Variants in BRAF observed in about 807,000 individuals in gnomAD.
The protein encoded by BRAF is serine/threonine-protein kinase B-raf.
Under a neutral mutation model 104.6 loss-of-function variants are expected in BRAF, and 16 were observed. That is an observed-to-expected ratio of 0.15 (90% confidence interval 0.10 to 0.23). The LOEUF is 0.23. BRAF is among the 10% of genes least tolerant of loss of function. The pLI, the probability that BRAF is intolerant of heterozygous loss-of-function variation, is 1.00. For synonymous variants in BRAF, 310 were observed against 341.6 expected (o/e 0.91, Z 1.02); for missense variants, 541 against 937.3 (o/e 0.58, Z 5.52).
At chr7:140,896,217 T>C (rs1018373767) in intron 1 of BRAF, among the ~76,000 whole-genome samples, 1 of 152,198 alleles carries the variant, frequency 6.6e-6, no homozygotes, top group African/African-American at 2.4e-5. Flanking sequence ...GTTTTGGGTC[T>C]TACAGGTAGG....
chr7:140,734,799 AAAAAAAAG>A, intron 18 of BRAF, 29 bp from the exon 18 acceptor site: 2 of 1,210,972 alleles, frequency 1.7e-6, no homozygotes, highest in South Asian at 1.8e-5. Flanking sequence ...AAAAAAAAGA[AAAAAAAAG>A]AAAAAAGAAA....
chr7:140,818,291 T>C (rs537105264), intron 3 of BRAF, among the ~76,000 whole-genome samples: 1 of 152,144 alleles, frequency 6.6e-6, no homozygotes, highest in African/African-American at 2.4e-5. Flanking sequence ...TTGTCCTTTA[T>C]ATTTTTCCAT....
intron 17 of BRAF, chr7:140,747,448 C>G (rs1264804702): frequency 1.6e-6 from 2 of 1,287,306 alleles, no homozygotes; most frequent in African/African-American, 3.0e-5. Context: ...GACAAAGCAC[C>G]TAAAATGCCA....
chr7:140,897,952 C>T (rs939977813), intron 1 of BRAF, among the ~76,000 whole-genome samples: 3 of 152,162 alleles, frequency 2.0e-5, no homozygotes, highest in Admixed American at 6.5e-5. Context: ...GTAATCCCAG[C>T]ACTTTGGGAG....
rs61150735 is a variant in BRAF, at chr7:140,906,087, C to CAAAA, written c.138+18475_138+18478dup. ...TGGGCAACAGAGCGAGACTCCGTCT[C>CAAAA]AAAAAAAAAAAAAAAAAAAAAGAAA... On this transcript the variant is annotated intron_variant, in intron 1 of 19. Transcript: ENST00000644969. Among the ~76,000 whole-genome samples the CAAAA allele has an allele frequency of 1.4e-3, 64 of 44,604 alleles. 3 individuals carry two copies. The highest frequency in any genetic ancestry group is 3.2e-3 in the African/African-American group (32 of 9,852). The allele number at this position is 44,604 out of a possible 152,430, so 29.3% of individuals were successfully genotyped here.
chr7:140,735,557 A>C (rs1463963754), intron 18 of BRAF, among the ~76,000 whole-genome samples: 2 of 151,802 alleles, frequency 1.3e-5, no homozygotes, highest in Admixed American at 1.3e-4. Flanking sequence ...CTGAGATACC[A>C]ATTTTTTTTT....
chr7:140,774,618 G>C (rs1017839748), intron 14 of BRAF, among the ~76,000 whole-genome samples: 5 of 152,330 alleles, frequency 3.3e-5, no homozygotes, highest in African/African-American at 1.2e-4. Context: ...CTGGGCTCAA[G>C]TGATCCTCCC....
At chr7:140,795,430 C>T (rs1267161493) in intron 7 of BRAF, among the ~76,000 whole-genome samples, 4 of 152,230 alleles carry the variant, frequency 2.6e-5, no homozygotes, top group Non-Finnish European at 4.4e-5. Flanking sequence ...GCTCTCTTCA[C>T]ATATTGGTTA....
chr7:140,736,964 C>T (rs6978932), intron 18 of BRAF, among the ~76,000 whole-genome samples: 7,976 of 151,890 alleles, frequency 0.053, 704 homozygotes, highest in African/African-American at 0.18. Context: ...GTGAGAGGAT[C>T]GCTTGAGCCC....
intron 1 of BRAF, among the ~76,000 whole-genome samples, chr7:140,872,631 G>T (rs1016804425): frequency 3.3e-5 from 5 of 152,092 alleles, no homozygotes; most frequent in African/African-American, 1.2e-4. Context: ...GAGGTGGGAG[G>T]ACTGCTTGAG....
intron 8 of BRAF, among the ~76,000 whole-genome samples, chr7:140,790,277 A>G (rs1363106589): frequency 1.3e-5 from 2 of 152,232 alleles, no homozygotes; most frequent in Non-Finnish European, 2.9e-5. Context: ...GCTAGTAACA[A>G]CATAAACTTA....
chr7:140,893,991 A>AG (rs1814579046), intron 1 of BRAF, among the ~76,000 whole-genome samples: 1 of 152,130 alleles, frequency 6.6e-6, no homozygotes, highest in South Asian at 2.1e-4. Flanking sequence ...AAAATTAGCC[A>AG]GGTGTGGTAG....
chr7:140,869,559 G>A (rs1188489754), intron 1 of BRAF, among the ~76,000 whole-genome samples: 2 of 151,868 alleles, frequency 1.3e-5, no homozygotes, highest in Non-Finnish European at 1.5e-5. Context: ...CTTGAACCTG[G>A]GAGACAGAGG....
intron 8 of BRAF, among the ~76,000 whole-genome samples, chr7:140,792,312 T>C (rs936365911): frequency 2.0e-5 from 3 of 152,298 alleles, no homozygotes; most frequent in Non-Finnish European, 4.4e-5. Context: ...TTCTAAAATA[T>C]AGAGCTGATG....
At chr7:140,740,344 G>A (rs1796816277) in intron 17 of BRAF, 1 of 162,320 alleles carries the variant, frequency 6.2e-6, no homozygotes, top group African/African-American at 2.4e-5. Context: ...ATATGTGTAG[G>A]GAAAACCAAA....
intron 1 of BRAF, among the ~76,000 whole-genome samples, chr7:140,901,391 C>G (rs1192521077): frequency 6.6e-6 from 1 of 152,062 alleles, no homozygotes; most frequent in Non-Finnish European, 1.5e-5. Flanking sequence ...GCAGTGCCTA[C>G]CATAGAGCAT....
chr7:140,819,874 G>GA (rs1384929451), intron 3 of BRAF, among the ~76,000 whole-genome samples: 2 of 152,062 alleles, frequency 1.3e-5, no homozygotes, highest in Non-Finnish European at 2.9e-5. Flanking sequence ...TTTTTGGGAT[G>GA]AAAAAATATT....
Position 140,834,755 on chromosome 7 carries a change from C to A in BRAF, c.358G>T (p.Val120Phe), listed in dbSNP as rs766748977. ...AGGCTAGAAGAGGAAGAAGATGTAACGGTATCCATTGATGCAGAGCTAGAA... is the reference window on the plus strand; with the variant it reads ...AGGCTAGAAGAGGAAGAAGATGTAAAGGTATCCATTGATGCAGAGCTAGAA... Reference protein sequence around the residue: ...SVSSSASMDTVTSSSSSSLSV... With the variant: ...SVSSSASMDTFTSSSSSSLSV... Residue 120 changes from valine to phenylalanine, a missense_variant, in exon 3 of 20, where the codon GTT becomes TTT. Coordinates refer to ENST00000644969, the MANE Select transcript of BRAF (RefSeq NM_001374258.1). The A allele has an allele frequency of 6.2e-7, 1 of 1,614,144 alleles. No individual in the cohort carries two copies.
intron 3 of BRAF, among the ~76,000 whole-genome samples, chr7:140,827,847 T>C (rs542867749): frequency 2.4e-4 from 37 of 152,310 alleles, no homozygotes; most frequent in African/African-American, 8.9e-4. Flanking sequence ...ATAAACAGAT[T>C]AGCATTGTTG....
Sources: gnomAD v4.1 joint callset for allele counts (sites outside exome capture counted in the v4.1 genomes callset) on GRCh38, gnomAD v4.1.1 for gene constraint, MANE v1.5 for transcripts, NCBI Gene and HGNC (gene_info 2026-07-23, HGNC 2026-07-21) for gene names.